The following CNTNAP5 variants were observed in gnomAD, a reference collection of about 807,000 sequenced individuals.
CNTNAP5 encodes contactin-associated protein-like 5.
A neutral mutation model predicts 150.2 loss-of-function variants in CNTNAP5; 72 were observed. The observed-to-expected ratio is 0.48, with a 90% CI of 0.40 to 0.58. The LOEUF is 0.58. CNTNAP5 is among the 20% of genes least tolerant of loss of function. The pLI, the probability that CNTNAP5 is intolerant of heterozygous loss-of-function variation, is 0.00. For synonymous variants in CNTNAP5, 672 were observed against 619.8 expected (o/e 1.08, Z -1.25); for missense variants, 1,636 against 1,626.2 (o/e 1.01, Z -0.10).
chr2:124,282,094 A>AC (rs1485486853), intron 3 of CNTNAP5, among the ~76,000 whole-genome samples: 1 of 152,112 alleles, frequency 6.6e-6, no homozygotes, highest in Admixed American at 6.5e-5. Context: ...AGCTGCTAAA[A>AC]AGTTTAGACA....
At chr2:124,911,154 A>G (rs558470342) in intron 22 of CNTNAP5, among the ~76,000 whole-genome samples, 30 of 152,042 alleles carry the variant, frequency 2.0e-4, no homozygotes, top group African/African-American at 7.0e-4. Context: ...GGAACTGTCC[A>G]GCTAGGCAAC....
chr2:124,352,067 T>A (rs1689885023), intron 3 of CNTNAP5, among the ~76,000 whole-genome samples: 1 of 152,020 alleles, frequency 6.6e-6, no homozygotes, highest in Admixed American at 6.6e-5. Context: ...TAGAGAAAAT[T>A]TCTGGGGAAC....
intron 1 of CNTNAP5, among the ~76,000 whole-genome samples, chr2:124,194,366 CATATATAT>C (rs1189694569): frequency 4.9e-5 from 5 of 101,226 alleles, no homozygotes; most frequent in African/African-American, 2.1e-4. Flanking sequence ...TAAATTAGGT[CATATATAT>C]ATATATATAT....
chr2:124,749,421 C>T (rs964514017), intron 14 of CNTNAP5, among the ~76,000 whole-genome samples: 4 of 147,646 alleles, frequency 2.7e-5, no homozygotes, highest in East Asian at 4.1e-4. Context: ...CTTCCTTTCT[C>T]TCTCTCTCTT....
chr2:124,833,640 T>C (rs1188020792), intron 19 of CNTNAP5, among the ~76,000 whole-genome samples: 2 of 152,134 alleles, frequency 1.3e-5, no homozygotes, highest in Non-Finnish European at 2.9e-5. Flanking sequence ...ACTGCTTACA[T>C]AGAGGTGGTG....
At chr2:124,306,069 T>C (rs1054960349) in intron 3 of CNTNAP5, among the ~76,000 whole-genome samples, 1 of 152,206 alleles carries the variant, frequency 6.6e-6, no homozygotes, top group Non-Finnish European at 1.5e-5. Flanking sequence ...GCATCTTTTA[T>C]TAGTCAGAGA....
At chr2:124,252,860 G>C (rs1687220849) in intron 3 of CNTNAP5, among the ~76,000 whole-genome samples, 1 of 151,828 alleles carries the variant, frequency 6.6e-6, no homozygotes, top group African/African-American at 2.4e-5. Context: ...ATTTATTTTT[G>C]GAAATTGAAA....
intron 1 of CNTNAP5, among the ~76,000 whole-genome samples, chr2:124,203,618 G>A (rs563418304): frequency 3.9e-5 from 6 of 152,298 alleles, no homozygotes; most frequent in African/African-American, 9.6e-5. Context: ...TCTAGGCAGA[G>A]GTTCCCAAAC....
At chr2:124,085,989 G>T (rs557689933) in intron 1 of CNTNAP5, among the ~76,000 whole-genome samples, 2 of 152,076 alleles carry the variant, frequency 1.3e-5, no homozygotes, top group Non-Finnish European at 2.9e-5. Flanking sequence ...GAAGACTGTT[G>T]GTTAATGGTG....
At chr2:124,747,599 C>G (rs1201954488) in intron 14 of CNTNAP5, among the ~76,000 whole-genome samples, 1 of 146,196 alleles carries the variant, frequency 6.8e-6, no homozygotes, top group Non-Finnish European at 1.5e-5. Context: ...GTCATACCAT[C>G]AGCTGCTGCT....
chr2:124,500,255 C>G (rs1694246051), intron 7 of CNTNAP5, among the ~76,000 whole-genome samples: 1 of 152,002 alleles, frequency 6.6e-6, no homozygotes, highest in African/African-American at 2.4e-5. Context: ...TCGAGCTGAC[C>G]AAGGAAAGAC....
chr2:124,878,872 G>A (rs545670209), intron 21 of CNTNAP5, among the ~76,000 whole-genome samples: 1 of 151,664 alleles, frequency 6.6e-6, no homozygotes, highest in Non-Finnish European at 1.5e-5. Context: ...TAGTAGAGAT[G>A]GGGTTTCACC....
At chr2:124,472,979 A>G (rs921043544) in intron 6 of CNTNAP5, among the ~76,000 whole-genome samples, 16 of 152,154 alleles carry the variant, frequency 1.1e-4, no homozygotes, top group Middle Eastern at 3.4e-3. Flanking sequence ...TCCCTCACAA[A>G]TTAAAAGGAA....
intron 2 of CNTNAP5, among the ~76,000 whole-genome samples, chr2:124,230,629 T>C (rs1686592115): frequency 6.6e-6 from 1 of 151,816 alleles, no homozygotes; most frequent in Non-Finnish European, 1.5e-5. Flanking sequence ...CCTCCCAGGT[T>C]CAAGCAATTC....
chr2:124,746,827 A>C (rs755856689), intron 13 of CNTNAP5, among the ~76,000 whole-genome samples: 1 of 152,210 alleles, frequency 6.6e-6, no homozygotes, highest in African/African-American at 2.4e-5. Context: ...TAACTTACTC[A>C]ATCGTGCCTG....
chr2:124,159,611 A>G (rs1684627496), intron 1 of CNTNAP5, among the ~76,000 whole-genome samples: 1 of 152,284 alleles, frequency 6.6e-6, no homozygotes, highest in South Asian at 2.1e-4. Context: ...AGTTTCCTTA[A>G]TCTGGAAAAC....
intron 1 of CNTNAP5, among the ~76,000 whole-genome samples, chr2:124,173,951 C>A (rs1684999897): frequency 6.6e-6 from 1 of 152,084 alleles, no homozygotes; most frequent in African/African-American, 2.4e-5. Context: ...GAAACCAATG[C>A]TCATTTACCA....
At chr2:124,421,388 G>A (rs1277427318) in intron 4 of CNTNAP5, among the ~76,000 whole-genome samples, 2 of 152,144 alleles carry the variant, frequency 1.3e-5, no homozygotes, top group Non-Finnish European at 2.9e-5. Flanking sequence ...CCATCCACTT[G>A]TCTATGCAAA....
chr2:124,454,690 A>G (rs1008997156), intron 6 of CNTNAP5, among the ~76,000 whole-genome samples: 1 of 152,162 alleles, frequency 6.6e-6, no homozygotes, highest in Admixed American at 6.6e-5. Context: ...TATGTCAAGC[A>G]CTTGCTCAGA....
Sources: gnomAD v4.1 joint callset for allele counts (sites outside exome capture counted in the v4.1 genomes callset) on GRCh38, gnomAD v4.1.1 for gene constraint, MANE v1.5 for transcripts, NCBI Gene and HGNC (gene_info 2026-07-23, HGNC 2026-07-21) for gene names.